Variants in XRCC4 observed in about 807,000 individuals in gnomAD.
The protein encoded by XRCC4 is DNA repair protein XRCC4.
XRCC4 carries 28 observed loss-of-function variants against 39.1 expected under a neutral mutation model. The ratio of observed to expected loss-of-function variants is 0.72; its 90% CI spans 0.53 to 0.98. The LOEUF (loss-of-function observed/expected upper bound fraction) is 0.98, where lower values mean the gene tolerates loss of function less well. Ranked by LOEUF, XRCC4 falls within the 50% of genes least tolerant of loss-of-function variation. XRCC4 has a pLI of 0.00. For missense variants in XRCC4, 350 were observed against 376.4 expected (o/e 0.93, Z 0.58); for synonymous variants, 123 against 126.4 (o/e 0.97, Z 0.18).
chr5:83,110,721 C>T (rs1442180924), intron 2 of XRCC4, among the ~76,000 whole-genome samples: 2 of 151,900 alleles, frequency 1.3e-5, no homozygotes, highest in African/African-American at 4.8e-5. Flanking sequence ...TGGCTTTGAC[C>T]TAAGAGCAGT....
rs10642662 is a variant in XRCC4 at position 83,344,128 on chromosome 5, T to TCACACACACA, written c.894-9002_894-9001insACACACACAC. Among the ~76,000 whole-genome samples, 327 of 134,840 alleles carry TCACACACACA rather than the reference T, an allele frequency of 2.4e-3. 1 individual carries two copies. The highest frequency in any genetic ancestry group is 7.6e-3 in the African/African-American group (288 of 37,918). 88.5% of individuals were successfully genotyped at this position (134,840 alleles called of 152,430 possible). On this transcript the variant is annotated intron_variant, in intron 7 of 7. Coordinates refer to ENST00000396027, the MANE Select transcript of XRCC4 (RefSeq NM_003401.5). ...ACATACACAGATACACTGACACAGA[T>TCACACACACA]CTCACACACACACACACACACACAC...
intron 7 of XRCC4, among the ~76,000 whole-genome samples, chr5:83,332,212 A>G (rs1181580083): frequency 2.7e-5 from 4 of 146,846 alleles, no homozygotes; most frequent in Admixed American, 1.4e-4. Flanking sequence ...TTGAATATGA[A>G]CATTTCAATC....
chr5:83,220,699 G>A (rs1055013293), intron 6 of XRCC4, among the ~76,000 whole-genome samples: 1 of 152,120 alleles, frequency 6.6e-6, no homozygotes, highest in Admixed American at 6.6e-5. Flanking sequence ...ACTCAGGAAT[G>A]CTGAGAAATA....
At chr5:83,185,196 G>A (rs1197777304) in intron 3 of XRCC4, among the ~76,000 whole-genome samples, 1 of 151,780 alleles carries the variant, frequency 6.6e-6, no homozygotes, top group African/African-American at 2.4e-5. Context: ...AGTAAACGAT[G>A]GAAAACATAA....
chr5:83,102,106 G>T (rs1745969454), intron 1 of XRCC4, among the ~76,000 whole-genome samples: 1 of 152,032 alleles, frequency 6.6e-6, no homozygotes, highest in Admixed American at 6.6e-5. Flanking sequence ...ATATTTCCTT[G>T]AAATTATAGA....
At chr5:83,292,693 T>A (rs1754959389) in intron 7 of XRCC4, among the ~76,000 whole-genome samples, 2 of 151,922 alleles carry the variant, frequency 1.3e-5, no homozygotes, top group South Asian at 4.1e-4. Context: ...CTAGTTAATA[T>A]CCCAGTAGAC....
intron 6 of XRCC4, among the ~76,000 whole-genome samples, chr5:83,256,007 T>G (rs879651901): frequency 1.3e-5 from 2 of 152,240 alleles, no homozygotes; most frequent in Non-Finnish European, 2.9e-5. Context: ...TACTTTTAAT[T>G]TACTCATGAA....
At chr5:83,234,807 G>A (rs1001279516) in intron 6 of XRCC4, among the ~76,000 whole-genome samples, 2 of 151,364 alleles carry the variant, frequency 1.3e-5, no homozygotes, top group Non-Finnish European at 2.9e-5. Context: ...TATGTAATTT[G>A]ACATTTAAAA....
chr5:83,270,397 G>T lies in XRCC4; in HGVS notation c.893+11720G>T, dbSNP rs1435491121. On this transcript the variant is annotated intron_variant, in intron 7 of 7. Coordinates refer to ENST00000396027, the MANE Select transcript of XRCC4 (RefSeq NM_003401.5). Reference sequence around the variant, plus strand: ...ATGCCTAGCTCTACTCCATTTGTCAGTCTCATACTTCATGCTTCTAAAATA... The same window carrying T: ...ATGCCTAGCTCTACTCCATTTGTCATTCTCATACTTCATGCTTCTAAAATA... Among the ~76,000 whole-genome samples, 4 of 152,202 alleles carry T rather than the reference G, an allele frequency of 2.6e-5. No individual in the cohort carries two copies. In the East Asian group the frequency reaches 7.7e-4, roughly 29 times the overall value.
At chr5:83,315,405 A>G (rs1755845275) in intron 7 of XRCC4, among the ~76,000 whole-genome samples, 2 of 152,178 alleles carry the variant, frequency 1.3e-5, no homozygotes, top group South Asian at 4.1e-4. Flanking sequence ...TCTAGCTGAG[A>G]TAATTGATGA....
At chr5:83,134,632 G>A (rs1411973116) in intron 3 of XRCC4, among the ~76,000 whole-genome samples, 2 of 152,194 alleles carry the variant, frequency 1.3e-5, no homozygotes, top group African/African-American at 2.4e-5. Flanking sequence ...CAGGATCAGG[G>A]TGGGGCCAGA....
At chr5:83,256,684 C>T (rs1453774265) in intron 6 of XRCC4, among the ~76,000 whole-genome samples, 1 of 151,538 alleles carries the variant, frequency 6.6e-6, no homozygotes, top group Non-Finnish European at 1.5e-5. Flanking sequence ...TATCTATTCC[C>T]CATACATTTT....
rs148273490 is a variant in XRCC4 at position 83,353,231 on chromosome 5, G to C, written c.994G>C (p.Asp332His). The change falls in exon 8 of 8, where the codon GAT (aspartate) becomes CAT (histidine). Residue 332 changes from aspartate to histidine, a missense_variant. Transcript: ENST00000396027. ...AAACAGCAGCCCAGAAGACCTCTTT[G>C]ATGAGATTTAACAGTCTCAAAAAAT... is the stretch of plus-strand genomic sequence containing the variant. ...LRNSSPEDLF[D>H]EI 1.9e-6 allele frequency: 3 copies of C among 1,606,860 alleles called. No individual in the cohort carries two copies. In the African/African-American group the frequency reaches 4.0e-5, roughly 22 times the overall value.
chr5:83,358,979 AC>A, the XRCC4 span, among the ~76,000 whole-genome samples: 1 of 151,668 alleles, frequency 6.6e-6, no homozygotes, highest in Non-Finnish European at 1.5e-5. Flanking sequence ...CTTCCAAGGA[AC>A]CTTTTGAAAG....
At chr5:83,174,714 A>C (rs1207900267) in intron 3 of XRCC4, among the ~76,000 whole-genome samples, 2 of 152,234 alleles carry the variant, frequency 1.3e-5, no homozygotes, top group Non-Finnish European at 2.9e-5. Context: ...TGTTCTATGT[A>C]ACATGACTTA....
intron 3 of XRCC4, among the ~76,000 whole-genome samples, chr5:83,163,579 A>G (rs16900202): frequency 0.013 from 1,986 of 152,354 alleles, 61 homozygotes; most frequent in African/African-American, 0.045. Context: ...CATTTAAATC[A>G]TAACAGATTC....
chr5:83,104,708 A>G (rs1350589188), intron 1 of XRCC4, among the ~76,000 whole-genome samples: 1 of 152,180 alleles, frequency 6.6e-6, no homozygotes, highest in Non-Finnish European at 1.5e-5. Context: ...GTGAATTAAT[A>G]TTGAAGAAAA....
chr5:83,296,922 C>T (rs1197999133), intron 7 of XRCC4, among the ~76,000 whole-genome samples: 2 of 151,762 alleles, frequency 1.3e-5, no homozygotes, highest in African/African-American at 4.8e-5. Context: ...AAAATATTCC[C>T]ATTAAATAGA....
chr5:83,160,786 G>C (rs1335654202), intron 3 of XRCC4, among the ~76,000 whole-genome samples: 2 of 152,104 alleles, frequency 1.3e-5, no homozygotes, highest in Non-Finnish European at 2.9e-5. Context: ...AGTGCCGCAA[G>C]AGATAGTGCA....
Sources: gnomAD v4.1 joint callset for allele counts (sites outside exome capture counted in the v4.1 genomes callset) on GRCh38, gnomAD v4.1.1 for gene constraint, MANE v1.5 for transcripts, NCBI Gene and HGNC (gene_info 2026-07-23, HGNC 2026-07-21) for gene names.